Variants in MAP4 observed in about 807,000 individuals in gnomAD.
MAP4 encodes the protein microtubule-associated protein 4.
A neutral mutation model predicts 170.2 loss-of-function variants in MAP4; 76 were observed. That is an observed-to-expected ratio of 0.45 (90% CI 0.37 to 0.54). The LOEUF (loss-of-function observed/expected upper bound fraction) is 0.54. Ranked by LOEUF, MAP4 falls within the 20% of genes least tolerant of loss-of-function variation. The pLI, the probability that MAP4 is intolerant of heterozygous loss-of-function variation, is 0.00. For missense variants in MAP4, 2,506 were observed against 2,748.0 expected (o/e 0.91, Z 1.97); for synonymous variants, 909 against 994.5 (o/e 0.91, Z 1.62).
intron 17 of MAP4, among the ~76,000 whole-genome samples, chr3:47,860,939 T>C (rs927296519): frequency 2.0e-5 from 3 of 152,142 alleles, no homozygotes; most frequent in African/African-American, 7.2e-5. Context: ...AAAAAAAGAA[T>C]GAGCCAGGCA....
In MAP4 at chr3:47,929,779, G is replaced by C. The variant is rs573410227; in HGVS notation, c.293-1429C>G. ...ATGTCACCAAAAGCACTATCTGTAA[G>C]AGACAAAATATATAAATGGGACACC... On this transcript the variant is annotated intron_variant, in intron 3 of 20. Transcript: ENST00000683076. Among the ~76,000 whole-genome samples, 75 of 151,440 alleles carry C rather than the reference G, an allele frequency of 5.0e-4. No homozygotes were observed. The South Asian group carries it at 0.01, about 21-fold the overall frequency.
At chr3:47,978,912 T>A (rs1219047018) in intron 2 of MAP4, among the ~76,000 whole-genome samples, 1 of 152,144 alleles carries the variant, frequency 6.6e-6, no homozygotes, top group African/African-American at 2.4e-5. Flanking sequence ...TTCTTATTAT[T>A]GAGTTTTGAA....
intron 11 of MAP4, chr3:47,876,827 C>T (rs2095533480): frequency 6.6e-6 from 1 of 151,282 alleles, no homozygotes; most frequent in Admixed American, 6.6e-5. Context: ...GTAAATAATT[C>T]AGAATTTATT....
chr3:48,044,992 C>T (rs999411055), intron 1 of MAP4, among the ~76,000 whole-genome samples: 4 of 151,380 alleles, frequency 2.6e-5, no homozygotes, highest in African/African-American at 7.3e-5. Context: ...CACAGTGTCT[C>T]ACACCTGAGA....
Position 48,056,924 on chromosome 3 carries a change from G to A in MAP4, c.-20+31849C>T, listed in dbSNP as rs1334741290. On this transcript the variant is annotated intron_variant, in intron 1 of 18. Transcript: ENST00000360240. ...CTCTGCCCGGCCAGCCGCCCCGTCC[G>A]GGAGGGAGGTGGGGGGTTCAGCCCC... Among the ~76,000 whole-genome samples, 452 of 132,420 alleles carry A rather than the reference G, an allele frequency of 3.4e-3. 3 individuals carry two copies. The highest frequency in any genetic ancestry group is 5.1e-3 in the Non-Finnish European group (313 of 61,456). The allele number at this position is 132,420 out of a possible 152,430, so 86.9% of individuals were successfully genotyped here.
chr3:47,915,858 G>A, intron 7 of MAP4, 93 bp downstream of exon 7: 3 of 1,384,322 alleles, frequency 2.2e-6, no homozygotes, highest in Non-Finnish European at 2.0e-6. Context: ...CAGTGTGACT[G>A]TCTGTACTTT....
In MAP4 at chr3:47,910,453, T is replaced by C; in HGVS notation, c.3968A>G (p.Asp1323Gly). 6.5e-7 allele frequency: 1 copy of C among 1,536,110 alleles called. No individual in the cohort carries two copies. Among genetic ancestry groups the C allele is most frequent in the Non-Finnish European group, 8.7e-7 (1 of 1,146,876 alleles). Residue 1323 changes from aspartate to glycine, a missense_variant, in exon 9 of 21, where the codon GAT becomes GGT. Physicochemically the swap from Asp to Gly is moderately conservative, Grantham distance 94 (BLOSUM62 -1). Coordinates refer to ENST00000683076, the MANE Select transcript of MAP4 (RefSeq NM_001385682.1). ...CTGGATTTGCTCTTGGCAGCTCACA[T>C]CTGTCACCTTGGCAGGTGGTTCAGT... ...TVTEPPAKVT[D>G]VSCQEQIQGA...
At chr3:47,935,939 CAAA>C (rs74405606) in intron 3 of MAP4, among the ~76,000 whole-genome samples, 2 of 59,270 alleles carry the variant, frequency 3.4e-5, no homozygotes, top group African/African-American at 6.3e-5. Context: ...ACTTAGTCTC[CAAA>C]AAAAAAAAAA....
At chr3:47,950,004 T>C (rs551526755) in intron 3 of MAP4, among the ~76,000 whole-genome samples, 1 of 152,324 alleles carries the variant, frequency 6.6e-6, no homozygotes, top group South Asian at 2.1e-4. Flanking sequence ...CAAACAATAC[T>C]CTTGCTTTTA....
At chr3:47,892,876 A>G in intron 10 of MAP4, 1 of 1,013,338 alleles carries the variant, frequency 9.9e-7, no homozygotes, top group Non-Finnish European at 1.2e-6. Context: ...AGATACGTGC[A>G]TACCCACACA....
rs2100123372 is a variant in MAP4, at chr3:48,044,519, C to T, written c.-20+44254G>A. 2.0e-5 allele frequency among the ~76,000 whole-genome samples: 3 copies of T among 151,822 alleles called. No individual in the cohort carries two copies. In the South Asian group the frequency reaches 6.2e-4, roughly 32 times the overall value. On this transcript the variant is annotated intron_variant, in intron 1 of 18. Coordinates refer to the MAP4 transcript ENST00000360240. ...GTGGCTCATGCCTGTAATCCCAGCA[C>T]TGGGAGGCCGAGGTGGGCAGATCAC... is the stretch of plus-strand genomic sequence containing the variant.
intron 2 of MAP4, among the ~76,000 whole-genome samples, chr3:47,980,393 A>G (rs896054832): frequency 5.3e-5 from 8 of 152,328 alleles, no homozygotes; most frequent in Admixed American, 1.3e-4. Context: ...CAATAAGTGA[A>G]TATCTACAAT....
At chr3:48,054,252 C>T (rs1218060316) in intron 1 of MAP4, among the ~76,000 whole-genome samples, 6 of 151,834 alleles carry the variant, frequency 4.0e-5, no homozygotes, top group African/African-American at 9.7e-5. Flanking sequence ...GAGCCGAGAT[C>T]GCGCCATTGC....
intron 3 of MAP4, chr3:47,973,984 G>A: frequency 5.1e-6 from 5 of 985,404 alleles, no homozygotes; most frequent in Non-Finnish European, 6.0e-6. Flanking sequence ...AGAAATTTTT[G>A]TCAGAGAATC....
intron 1 of MAP4, among the ~76,000 whole-genome samples, chr3:48,054,158 TGTG>T (rs1274275882): frequency 6.6e-6 from 1 of 150,776 alleles, no homozygotes; most frequent in African/African-American, 2.4e-5. Context: ...AAAAATTAGG[TGTG>T]GTGGCACGCA....
chr3:48,028,871 C>G (rs762019885), intron 1 of MAP4, among the ~76,000 whole-genome samples: 1 of 151,772 alleles, frequency 6.6e-6, no homozygotes, highest in African/African-American at 2.4e-5. Context: ...GGTCAGGCAC[C>G]GTGGCAAAGG....
At chr3:47,958,524 T>C (rs1307221686) in intron 3 of MAP4, among the ~76,000 whole-genome samples, 1 of 152,100 alleles carries the variant, frequency 6.6e-6, no homozygotes, top group Non-Finnish European at 1.5e-5. Flanking sequence ...TCAGTTTAGT[T>C]TTGTTTTTTT....
At chr3:47,896,251 C>T (rs1015750064) in intron 10 of MAP4, among the ~76,000 whole-genome samples, 1 of 152,188 alleles carries the variant, frequency 6.6e-6, no homozygotes. Flanking sequence ...CCAAGAAGGC[C>T]GGGCGCGGTG....
intron 2 of MAP4, among the ~76,000 whole-genome samples, chr3:47,981,003 A>C (rs1018785132): frequency 5.3e-5 from 8 of 152,248 alleles, no homozygotes; most frequent in African/African-American, 1.9e-4. Flanking sequence ...AAATAGGAAT[A>C]ACCTTTTTAT....
Sources: gnomAD v4.1 joint callset for allele counts (sites outside exome capture counted in the v4.1 genomes callset) on GRCh38, gnomAD v4.1.1 for gene constraint, MANE v1.5 for transcripts, NCBI Gene and HGNC (gene_info 2026-07-23, HGNC 2026-07-21) for gene names.